Variants in TMEM121B observed in about 807,000 individuals in gnomAD.
TMEM121B encodes transmembrane protein 121B.
TMEM121B carries 14 observed loss-of-function variants against 25.1 expected under a neutral mutation model. The observed-to-expected ratio is 0.56, with a 90% CI of 0.37 to 0.87. The LOEUF (loss-of-function observed/expected upper bound fraction) is 0.87, where lower values mean the gene tolerates loss of function less well. TMEM121B is among the 40% of genes least tolerant of loss of function. The probability of loss-of-function intolerance (pLI) is 0.00; values close to 1 mark genes in which losing one functional copy is unlikely to be tolerated. For missense variants in TMEM121B, 850 were observed against 854.6 expected (o/e 0.99, Z 0.07); for synonymous variants, 458 against 420.9 (o/e 1.09, Z -1.08).
At position 17,120,912 on chromosome 22, in the gene TMEM121B, C is replaced by G. The variant is rs1209796535; in HGVS notation, c.216G>C (p.Thr72=). The G allele has an allele frequency of 9.3e-6, 13 of 1,402,680 alleles. No homozygotes were observed. Among genetic ancestry groups the G allele is most frequent in the Middle Eastern group, 5.2e-4 (2 of 3,860 alleles). The allele number at this position is 1,402,680 out of a possible 1,614,324, so 86.9% of individuals were successfully genotyped here. Residue 72 remains threonine (T), a synonymous_variant, in exon 1 of 1, where the codon ACG becomes ACC. Coordinates refer to ENST00000331437, the MANE Select transcript of TMEM121B (RefSeq NM_031890.4). ...CGTCGTCGTCCTCGCGCTCGGCGCCCGTGCTGCTGCTCGGGGAGCCGCCGC... is the reference window on the plus strand; with the variant it reads ...CGTCGTCGTCCTCGCGCTCGGCGCCGGTGCTGCTGCTCGGGGAGCCGCCGC... ...GGGGGSPSSS[T]GAEREDDDES...
At position 17,121,065 on chromosome 22, in the gene TMEM121B, G is replaced by C. The variant is rs981044050; in HGVS notation, c.63C>G (p.Pro21=). The C allele has an allele frequency of 3.4e-6, 5 of 1,453,524 alleles. No homozygotes were observed. The highest frequency in any genetic ancestry group is 2.7e-6 in the Non-Finnish European group (3 of 1,104,606). 90.0% of individuals were successfully genotyped at this position (1,453,524 alleles called of 1,614,324 possible). The change falls in exon 1 of 1, where the codon CCC becomes CCG. Residue 21 remains proline, a synonymous_variant. Coordinates refer to ENST00000331437, the MANE Select transcript of TMEM121B (RefSeq NM_031890.4). ...VSSASGSFPP[P]PAAARLQPLF... is the part of the protein sequence containing the mutation. ...GGGGCTGCAGCCGGGCGGCTGCCGG[G>C]GGCGGCGGGAAGGAACCGGACGCGG...
Position 17,119,890 on chromosome 22 carries a change from A to C in TMEM121B, c.1238T>G (p.Met413Arg). Residue 413 changes from methionine (M) to arginine (R), a missense_variant, in exon 1 of 1, where the codon ATG becomes AGG. Coordinates refer to ENST00000331437, the MANE Select transcript of TMEM121B (RefSeq NM_031890.4). Reference protein sequence around the residue: ...LLDSFTLVELMLEGRVPLPAH... With the variant: ...LLDSFTLVELRLEGRVPLPAH... Reference sequence around the variant, plus strand: ...GGGCAGCGGCACGCGGCCCTCCAGCATCAGCTCCACCAGCGTGAAGCTGTC... The same window carrying C: ...GGGCAGCGGCACGCGGCCCTCCAGCCTCAGCTCCACCAGCGTGAAGCTGTC... 3 of 1,568,520 alleles carry C rather than the reference A, an allele frequency of 1.9e-6. No individual in the cohort carries two copies. The highest frequency in any genetic ancestry group is 2.6e-6 in the Non-Finnish European group (3 of 1,163,966).
Position 17,119,832 on chromosome 22 carries a change from G to A in TMEM121B, c.1296C>T (p.Tyr432=). Residue 432 remains tyrosine (Y), a synonymous_variant, in exon 1 of 1, where the codon TAC becomes TAT. Transcript: ENST00000331437. ...AHLRYLLIAV[Y]FLTLASPVLW... ...GCACCGGCGAGGCGAGGGTGAGGAA[G>A]TAGACGGCGATAAGCAGGTAGCGCA... is the stretch of plus-strand genomic sequence containing the variant. 1 of 1,588,100 alleles carries A rather than the reference G, an allele frequency of 6.3e-7. No homozygotes were observed. Among genetic ancestry groups the A allele is most frequent in the Non-Finnish European group, 8.5e-7 (1 of 1,175,054 alleles).
At position 17,119,423 on chromosome 22, in the gene TMEM121B, C is replaced by T. The variant is rs149370082; in HGVS notation, c.1705G>A (p.Val569Ile). Residue 569 changes from valine to isoleucine, a missense_variant, in exon 1 of 1, where the codon GTC (valine) becomes ATC (isoleucine). Physicochemically the swap from Val to Ile is conservative, Grantham distance 29 (BLOSUM62 3). Transcript: ENST00000331437. ...TGAGAGGCCACAGCCAGGGTGTTGACATAGCCATGAGCACCCCCCTCGTTC... is the reference window on the plus strand; with the variant it reads ...TGAGAGGCCACAGCCAGGGTGTTGATATAGCCATGAGCACCCCCCTCGTTC... ...SENEGGAHGY[V>I]NTLAVASQN 4.8e-3 allele frequency: 7,677 copies of T among 1,607,284 alleles called. 76 individuals carry two copies. Among genetic ancestry groups the T allele is most frequent in the South Asian group, 0.026 (2,289 of 89,614 alleles).
Position 17,116,367 on chromosome 22 carries a change from G to C in TMEM121B, c.*3024C>G, listed in dbSNP as rs1200483657. ...TTTTTAAAAAGAGAAGGAAAAAAGT[G>C]ATAAATGCTAGTGAGGTGCCACTTC... On this transcript the variant is annotated 3_prime_UTR_variant, in exon 1 of 1. Transcript: ENST00000331437. 2 of 152,574 alleles carry C rather than the reference G, an allele frequency of 1.3e-5. No individual in the cohort carries two copies. The highest frequency in any genetic ancestry group is 2.9e-5 in the Non-Finnish European group (2 of 68,038). The allele number at this position is 152,574 out of a possible 1,614,324, so 9.5% of individuals were successfully genotyped here.
chr22:17,119,932 G>C lies in TMEM121B; in HGVS notation c.1196C>G (p.Thr399Arg). The change falls in exon 1 of 1, where the codon ACG becomes AGG. Residue 399 changes from threonine (T) to arginine (R), a missense_variant. Coordinates refer to ENST00000331437, the MANE Select transcript of TMEM121B (RefSeq NM_031890.4). ...GAAGCTGTCGAGCAGGTCCAAGCAC[G>C]TGCCCAGGAAGCATCCGGCCGCGCG... ...RHRAAGCFLG[T>R]CLDLLDSFTL... The C allele has an allele frequency of 6.4e-7, 1 of 1,571,354 alleles. No individual in the cohort carries two copies. Among genetic ancestry groups the C allele is most frequent in the South Asian group, 1.1e-5 (1 of 88,232 alleles).
chr22:17,117,103 C>T lies in TMEM121B; in HGVS notation c.*2288G>A, dbSNP rs145469555. 24 of 152,788 alleles carry T rather than the reference C, an allele frequency of 1.6e-4. No homozygotes were observed. Among genetic ancestry groups the T allele is most frequent in the African/African-American group, 5.8e-4 (24 of 41,576 alleles). The allele number at this position is 152,788 out of a possible 1,614,324, so 9.5% of individuals were successfully genotyped here. A position where few individuals can be genotyped will look rare whatever the true frequency, so the allele number is the denominator to read the frequency against. ...CTCAGACACAATGTCCTTTCACAGT[C>T]ACTGAGATTAGGTAGCAGAGAAACA... On this transcript the variant is annotated 3_prime_UTR_variant, in exon 1 of 1. Transcript: ENST00000331437.
At position 17,120,780 on chromosome 22, in the gene TMEM121B, TGAG is replaced by T. The variant is rs989310098; in HGVS notation, c.345_347del (p.Ser116del). Reference sequence around the variant, plus strand: ...TGGAGGTGGAGGAGGAGGTGGCCGCTGAGGAGGAGAAGGCGACAGGCGCGGGGC... The same window carrying T: ...TGGAGGTGGAGGAGGAGGTGGCCGCTGAGGAGAAGGCGACAGGCGCGGGGC... On this transcript the variant is annotated inframe_deletion, in exon 1 of 1. Transcript: ENST00000331437. 5.3e-6 allele frequency: 6 copies of T among 1,141,478 alleles called. No homozygotes were observed. Among genetic ancestry groups the T allele is most frequent in the East Asian group, 4.3e-5 (1 of 23,014 alleles). The allele number at this position is 1,141,478 out of a possible 1,614,324, so 70.7% of individuals were successfully genotyped here.
At position 17,118,995 on chromosome 22, in the gene TMEM121B, G is replaced by C; in HGVS notation, c.*396C>G. 4.9e-6 allele frequency: 1 copy of C among 204,030 alleles called. No homozygotes were observed. The allele number at this position is 204,030 out of a possible 1,614,324, so 12.6% of individuals were successfully genotyped here. A position where few individuals can be genotyped will look rare whatever the true frequency, so the allele number is the denominator to read the frequency against. On this transcript the variant is annotated 3_prime_UTR_variant, in exon 1 of 1. Transcript: ENST00000331437. ...AAGTGGGTTCTGGGTCAATTTCAAG[G>C]CATGGGACAATGGCCACTAACCACA...
Position 17,119,903 on chromosome 22 carries a change from G to T in TMEM121B, c.1225C>A (p.Leu409Met). ...TCLDLLDSFT[L>M]VELMLEGRVP... Reference sequence around the variant, plus strand: ...CGGCCCTCCAGCATCAGCTCCACCAGCGTGAAGCTGTCGAGCAGGTCCAAG... The same window carrying T: ...CGGCCCTCCAGCATCAGCTCCACCATCGTGAAGCTGTCGAGCAGGTCCAAG... Residue 409 changes from leucine to methionine, a missense_variant, in exon 1 of 1, where the codon CTG (leucine) becomes ATG (methionine). Leu to Met is a conservative substitution (Grantham distance 15). Transcript: ENST00000331437. The T allele has an allele frequency of 6.4e-7, 1 of 1,567,508 alleles. No individual in the cohort carries two copies. Among genetic ancestry groups the T allele is most frequent in the Admixed American group, 1.8e-5 (1 of 54,228 alleles).
rs1328482597 is a variant in TMEM121B, at chr22:17,121,179, C to G, written c.-52G>C. 7.9e-7 allele frequency: 1 copy of G among 1,258,264 alleles called. No individual in the cohort carries two copies. Among genetic ancestry groups the G allele is most frequent in the Admixed American group, 4.3e-5 (1 of 23,392 alleles). The allele number at this position is 1,258,264 out of a possible 1,614,324, so 77.9% of individuals were successfully genotyped here. ...CCAGCTGTTCCCTCCCCGCCAACCC[C>G]GGGCGGGCGAGGCGGGCTAGGCGGC... On this transcript the variant is annotated 5_prime_UTR_variant, in exon 1 of 1. Coordinates refer to ENST00000331437, the MANE Select transcript of TMEM121B (RefSeq NM_031890.4).
chr22:17,121,307 C>A lies in TMEM121B; in HGVS notation c.-180G>T, dbSNP rs1307514839. On this transcript the variant is annotated 5_prime_UTR_variant, in exon 1 of 1. Coordinates refer to ENST00000331437, the MANE Select transcript of TMEM121B (RefSeq NM_031890.4). ...GAGCCACTGGACTGGGCGAGCCGGG[C>A]CGGGCGGCAGGGAGAGGGGGCAGGC... The A allele has an allele frequency of 2.4e-5, 11 of 453,420 alleles. No homozygotes were observed. 28.1% of individuals were successfully genotyped at this position (453,420 alleles called of 1,614,324 possible).
At position 17,119,748 on chromosome 22, in the gene TMEM121B, G is replaced by A. The variant is rs768546783; in HGVS notation, c.1380C>T (p.Ser460=). ...AAAAASWGQA[S]GPGSCSRLLR... is the part of the protein sequence containing the mutation. ...GAAGGCGGCTGCAGCTGCCAGGCCC[G>A]GAGGCCTGGCCCCAGGATGCAGCCG... Residue 460 remains serine, a synonymous_variant, in exon 1 of 1, where the codon TCC becomes TCT. Transcript: ENST00000331437. The A allele has an allele frequency of 2.6e-6, 4 of 1,553,128 alleles. No homozygotes were observed. The highest frequency in any genetic ancestry group is 1.9e-5 in the Admixed American group (1 of 52,614).
chr22:17,120,891 G>C lies in TMEM121B; in HGVS notation c.237C>G (p.Asp79Glu). Residue 79 changes from aspartate to glutamate, a missense_variant, in exon 1 of 1, where the codon GAC (aspartate) becomes GAG (glutamate). Transcript: ENST00000331437. The part of the protein sequence containing the change: ...SSSTGAERED[D>E]DESLSVSKPL... ...GCTTGCTGACGCTGAGGCTCTCGTC[G>C]TCGTCCTCGCGCTCGGCGCCCGTGC... 1 of 1,391,290 alleles carries C rather than the reference G, an allele frequency of 7.2e-7. No homozygotes were observed. The highest frequency in any genetic ancestry group is 1.5e-5 in the South Asian group (1 of 64,956). The allele number at this position is 1,391,290 out of a possible 1,614,324, so 86.2% of individuals were successfully genotyped here. A position where few individuals can be genotyped will look rare whatever the true frequency, so the allele number is the denominator to read the frequency against.
At position 17,118,581 on chromosome 22, in the gene TMEM121B, A is replaced by G. The variant is rs1211590110; in HGVS notation, c.*810T>C. On this transcript the variant is annotated 3_prime_UTR_variant, in exon 1 of 1. Coordinates refer to ENST00000331437, the MANE Select transcript of TMEM121B (RefSeq NM_031890.4). ...CATTTTTTGCAAGCAGCATCAGTGC[A>G]TGATGCAACAAAAGTTGAAAGCACG... The G allele has an allele frequency of 6.6e-6, 1 of 152,656 alleles. No individual in the cohort carries two copies. Among genetic ancestry groups the G allele is most frequent in the African/African-American group, 2.4e-5 (1 of 41,440 alleles). 9.5% of individuals were successfully genotyped at this position (152,656 alleles called of 1,614,324 possible). A position where few individuals can be genotyped will look rare whatever the true frequency, so the allele number is the denominator to read the frequency against.
In TMEM121B at chr22:17,121,030, C is replaced by T; in HGVS notation, c.98G>A (p.Arg33His). ...AAARLQPLFL[R>H]GGSFRGRRGS... is the part of the protein sequence containing the mutation. Reference sequence around the variant, plus strand: ...TCTCCGGCCGCGGAAGGAGCCCCCGCGGAGGAAGAGGGGCTGCAGCCGGGC... The same window carrying T: ...TCTCCGGCCGCGGAAGGAGCCCCCGTGGAGGAAGAGGGGCTGCAGCCGGGC... Residue 33 changes from arginine (R) to histidine (H), a missense_variant, in exon 1 of 1, where the codon CGC becomes CAC. Physicochemically the swap from Arg to His is conservative, Grantham distance 29. Coordinates refer to ENST00000331437, the MANE Select transcript of TMEM121B (RefSeq NM_031890.4). The T allele has an allele frequency of 2.7e-6, 4 of 1,468,804 alleles. No homozygotes were observed. The highest frequency in any genetic ancestry group is 3.6e-6 in the Non-Finnish European group (4 of 1,112,446). 91.0% of individuals were successfully genotyped at this position (1,468,804 alleles called of 1,614,324 possible).
Position 17,120,676 on chromosome 22 carries a change from C to T in TMEM121B, c.452G>A (p.Ser151Asn), listed in dbSNP as rs2061494754. 2 of 1,183,134 alleles carry T rather than the reference C, an allele frequency of 1.7e-6. No individual in the cohort carries two copies. The highest frequency in any genetic ancestry group is 1.0e-6 in the Non-Finnish European group (1 of 958,310). The allele number at this position is 1,183,134 out of a possible 1,614,324, so 73.3% of individuals were successfully genotyped here. The change falls in exon 1 of 1, where the codon AGC becomes AAC. Residue 151 changes from serine (S) to asparagine (N), a missense_variant. Ser to Asn is a conservative substitution (Grantham distance 46, BLOSUM62 1). Coordinates refer to ENST00000331437, the MANE Select transcript of TMEM121B (RefSeq NM_031890.4). ...AAAGAVGGPG[S>N]RSAGGAGGTG... ...GCCGCCCGCGCCCCCCGCCGAGCGG[C>T]TCCCGGGGCCCCCGACGGCCCCGGC...
rs2061472318 is a variant in TMEM121B at position 17,116,884 on chromosome 22, C to G, written c.*2507G>C. 1 of 152,412 alleles carries G rather than the reference C, an allele frequency of 6.6e-6. No homozygotes were observed. Among genetic ancestry groups the G allele is most frequent in the Non-Finnish European group, 1.5e-5 (1 of 68,198 alleles). 9.4% of individuals were successfully genotyped at this position (152,412 alleles called of 1,614,324 possible). A position where few individuals can be genotyped will look rare whatever the true frequency, so the allele number is the denominator to read the frequency against. ...GCTGAACTGGGGGCCTGATATCTGC[C>G]AGAATTGGCCAAGTTGCCATCAGCT... On this transcript the variant is annotated 3_prime_UTR_variant, in exon 1 of 1. Transcript: ENST00000331437.
At position 17,117,442 on chromosome 22, in the gene TMEM121B, G is replaced by A. The variant is rs1232754673; in HGVS notation, c.*1949C>T. 4 of 152,664 alleles carry A rather than the reference G, an allele frequency of 2.6e-5. No homozygotes were observed. The highest frequency in any genetic ancestry group is 5.9e-5 in the Non-Finnish European group (4 of 68,052). The allele number at this position is 152,664 out of a possible 1,614,324, so 9.5% of individuals were successfully genotyped here. A position where few individuals can be genotyped will look rare whatever the true frequency, so the allele number is the denominator to read the frequency against. ...GCCCCTCTTATGTCTGTCTACAAGGGTGTCTTCTGCTCCAAGCCCCCAAAA... is the reference window on the plus strand; with the variant it reads ...GCCCCTCTTATGTCTGTCTACAAGGATGTCTTCTGCTCCAAGCCCCCAAAA... On this transcript the variant is annotated 3_prime_UTR_variant, in exon 1 of 1. Transcript: ENST00000331437.
Sources: gnomAD v4.1 joint callset for allele counts on GRCh38, gnomAD v4.1.1 for gene constraint, MANE v1.5 for transcripts, NCBI Gene and HGNC (gene_info 2026-07-23, HGNC 2026-07-21) for gene names.